Variants in NRG1 observed in about 807,000 individuals in gnomAD.
NRG1 encodes the protein pro-neuregulin-1, membrane-bound isoform.
NRG1 carries 18 observed loss-of-function variants against 63.8 expected under a neutral mutation model. That is an observed-to-expected ratio of 0.28 (90% CI 0.19 to 0.42). The LOEUF (loss-of-function observed/expected upper bound fraction) is 0.42. Ranked by LOEUF, NRG1 falls within the 10% of genes least tolerant of loss-of-function variation. The pLI is 1.00. For missense variants in NRG1, 762 were observed against 814.7 expected (o/e 0.94, Z 0.79); for synonymous variants, 302 against 301.3 (o/e 1.00, Z -0.02).
At chr8:32,120,407 G>C (rs544604246) in intron 1 of NRG1, among the ~76,000 whole-genome samples, 2 of 152,118 alleles carry the variant, frequency 1.3e-5, no homozygotes, top group South Asian at 4.1e-4. Context: ...CAGTAATTTT[G>C]GAAGAATGGT....
chr8:32,692,806 C>T (rs866429660), intron 5 of NRG1, among the ~76,000 whole-genome samples: 2 of 152,214 alleles, frequency 1.3e-5, no homozygotes, highest in African/African-American at 4.8e-5. Flanking sequence ...CCATGATGGG[C>T]AGGAGGAGAA....
At chr8:31,791,381 A>C (rs1283957872) in intron 1 of NRG1, among the ~76,000 whole-genome samples, 1 of 152,186 alleles carries the variant, frequency 6.6e-6, no homozygotes, top group Non-Finnish European at 1.5e-5. Flanking sequence ...TATCACTATC[A>C]GTAATTATTC....
chr8:32,206,759 G>A (rs917272168), intron 1 of NRG1, among the ~76,000 whole-genome samples: 9 of 152,218 alleles, frequency 5.9e-5, no homozygotes, highest in East Asian at 3.9e-4. Context: ...TACATTGTAC[G>A]CATTAAGTAA....
At chr8:31,739,122 A>G (rs1326630742) in intron 1 of NRG1, among the ~76,000 whole-genome samples, 1 of 152,030 alleles carries the variant, frequency 6.6e-6, no homozygotes, top group Non-Finnish European at 1.5e-5. Flanking sequence ...CAAATTTACT[A>G]GTAGTATTTC....
At chr8:31,993,980 T>C (rs932822215) in intron 1 of NRG1, among the ~76,000 whole-genome samples, 3 of 151,978 alleles carry the variant, frequency 2.0e-5, no homozygotes, top group African/African-American at 7.2e-5. Flanking sequence ...GAGTTTCCAA[T>C]TTAATGGATT....
intron 1 of NRG1, among the ~76,000 whole-genome samples, chr8:31,790,248 C>T (rs1820572452): frequency 6.6e-6 from 1 of 151,872 alleles, no homozygotes; most frequent in Non-Finnish European, 1.5e-5. Context: ...GATATGGGAC[C>T]CTAAAACTAT....
chr8:32,595,909 C>A, exon 2 of NRG1: 1 of 1,613,768 alleles, frequency 6.2e-7, no homozygotes, highest in Non-Finnish European at 8.5e-7. Flanking sequence ...GAAACCAGTT[C>A]TGAATACTCC....
At chr8:31,781,488 T>C (rs1263002442) in intron 1 of NRG1, among the ~76,000 whole-genome samples, 1 of 152,128 alleles carries the variant, frequency 6.6e-6, no homozygotes, top group Non-Finnish European at 1.5e-5. Flanking sequence ...GAACTTGACA[T>C]AGACTCAAAA....
intron 1 of NRG1, among the ~76,000 whole-genome samples, chr8:31,769,949 G>T (rs1415882501): frequency 6.6e-6 from 1 of 152,178 alleles, no homozygotes; most frequent in Non-Finnish European, 1.5e-5. Context: ...AGGCTCCAGG[G>T]TTATGTCTTA....
chr8:32,445,231 T>G (rs904594545), intron 1 of NRG1, among the ~76,000 whole-genome samples: 80 of 152,362 alleles, frequency 5.3e-4, no homozygotes, highest in South Asian at 2.3e-3. Context: ...AGATTACTTA[T>G]AATACCTAGA....
At chr8:31,837,462 G>C (rs1825784131) in intron 1 of NRG1, among the ~76,000 whole-genome samples, 1 of 151,970 alleles carries the variant, frequency 6.6e-6, no homozygotes, top group Non-Finnish European at 1.5e-5. Context: ...TCAAATCATG[G>C]TAATTAGCAT....
chr8:32,494,147 GA>G (rs1279447480), intron 1 of NRG1, among the ~76,000 whole-genome samples: 1 of 152,174 alleles, frequency 6.6e-6, no homozygotes, highest in African/African-American at 2.4e-5. Flanking sequence ...AAGATGAACA[GA>G]AGTGTTCCTT....
At chr8:32,320,748 G>C (rs1441991155) in intron 1 of NRG1, among the ~76,000 whole-genome samples, 1 of 152,118 alleles carries the variant, frequency 6.6e-6, no homozygotes, top group African/African-American at 2.4e-5. Flanking sequence ...TACAGTCCCT[G>C]AATATATATG....
chr8:32,225,444 C>T (rs1672300795), intron 1 of NRG1, among the ~76,000 whole-genome samples: 1 of 152,116 alleles, frequency 6.6e-6, no homozygotes, highest in Non-Finnish European at 1.5e-5. Context: ...AATGCTAAAA[C>T]TATTTTATGG....
rs924433561 is a variant in NRG1 at position 31,712,995 on chromosome 8, A to G, written c.37+73564A>G. Among the ~76,000 whole-genome samples, 11 of 68,836 alleles carry G rather than the reference A, an allele frequency of 1.6e-4. No individual in the cohort carries two copies. In the South Asian group the frequency reaches 4.5e-3, roughly 28 times the overall value. The allele number at this position is 68,836 out of a possible 152,430, so 45.2% of individuals were successfully genotyped here. On this transcript the variant is annotated intron_variant, in intron 1 of 10. Coordinates refer to the NRG1 transcript ENST00000519301. ...TGTCCATCCATCCACCCATCCATCCATCCATCCATCCATCCATCCATCCAT... is the reference window on the plus strand; with the variant it reads ...TGTCCATCCATCCACCCATCCATCCGTCCATCCATCCATCCATCCATCCAT...
chr8:32,026,394 C>T (rs114429920), intron 1 of NRG1: 1 of 152,184 alleles, frequency 6.6e-6, no homozygotes, highest in African/African-American at 2.4e-5. Flanking sequence ...ATTTTTTCCC[C>T]CAAGAAGGGC....
At chr8:32,397,012 GTTAGAGGAGTACCCCAC>G (rs1812518385) in intron 1 of NRG1, among the ~76,000 whole-genome samples, 1 of 152,080 alleles carries the variant, frequency 6.6e-6, no homozygotes, top group African/African-American at 2.4e-5. Context: ...TTAGGTGTTT[GTTAGAGGAGTACCCCAC>G]TTTCTCGCAT....
intron 1 of NRG1, among the ~76,000 whole-genome samples, chr8:32,223,739 C>G (rs1846053666): frequency 6.6e-6 from 1 of 152,006 alleles, no homozygotes; most frequent in Non-Finnish European, 1.5e-5. Context: ...GCTGTAGGCC[C>G]CAAGGAAGCC....
At chr8:31,781,473 A>G (rs1475191925) in intron 1 of NRG1, among the ~76,000 whole-genome samples, 1 of 152,168 alleles carries the variant, frequency 6.6e-6, no homozygotes, top group East Asian at 1.9e-4. Flanking sequence ...TGTGTCTCCC[A>G]ATGGGAACTT....
Sources: gnomAD v4.1 joint callset for allele counts (sites outside exome capture counted in the v4.1 genomes callset) on GRCh38, gnomAD v4.1.1 for gene constraint, MANE v1.5 for transcripts, NCBI Gene and HGNC (gene_info 2026-07-23, HGNC 2026-07-21) for gene names.